The following GLCE variants were observed in gnomAD, a reference collection of about 807,000 sequenced individuals.
The protein encoded by GLCE is glucuronic acid epimerase.
Under a neutral mutation model 47.9 loss-of-function variants are expected in GLCE, and 19 were observed. The ratio of observed to expected loss-of-function variants is 0.40; its 90% CI spans 0.28 to 0.58. The LOEUF is 0.58. Among genes scored for constraint, GLCE ranks in the 20% least tolerant of loss-of-function variants. The pLI is 0.48. For synonymous variants in GLCE, 245 were observed against 263.4 expected (o/e 0.93, Z 0.68); for missense variants, 556 against 743.3 (o/e 0.75, Z 2.93).
At chr15:69,249,520 T>G (rs1266040852) in intron 2 of GLCE, among the ~76,000 whole-genome samples, 1 of 152,204 alleles carries the variant, frequency 6.6e-6, no homozygotes, top group African/African-American at 2.4e-5. Context: ...AATAAATTAT[T>G]TTTTAATTAA....
chr15:69,215,369 A>G (rs1056201207), intron 2 of GLCE, among the ~76,000 whole-genome samples: 3 of 152,124 alleles, frequency 2.0e-5, no homozygotes. Flanking sequence ...AGCAAAATAC[A>G]TTTTAAGTTT....
intron 1 of GLCE, among the ~76,000 whole-genome samples, chr15:69,177,060 C>T (rs1235724562): frequency 6.6e-6 from 1 of 150,660 alleles, no homozygotes; most frequent in African/African-American, 2.4e-5. Context: ...CTCTTTGTCA[C>T]CTAGGCTGGA....
At chr15:69,222,486 G>C (rs917798118) in intron 2 of GLCE, among the ~76,000 whole-genome samples, 1 of 152,208 alleles carries the variant, frequency 6.6e-6, no homozygotes, top group Non-Finnish European at 1.5e-5. Flanking sequence ...AGAAAGCCCT[G>C]TTCTCTCCAG....
In GLCE at chr15:69,261,320, A is replaced by T; in HGVS notation, c.820A>T (p.Ile274Phe). Residue 274 changes from isoleucine (I) to phenylalanine (F), a missense_variant, in exon 4 of 5, where the codon ATT becomes TTT. By Grantham distance (21) the Ile-to-Phe change is conservative. Transcript: ENST00000261858. ...KSRFTNVKQF[I>F]APETSEGVSL... The stretch of plus-strand genomic sequence containing the variant: ...TAGATTCACCAATGTCAAACAGTTT[A>T]TTGCACCAGGTAAGTTATGTATTAT... 1 of 1,613,710 alleles carries T rather than the reference A, an allele frequency of 6.2e-7. No homozygotes were observed.
chr15:69,242,565 C>T (rs1304672968), intron 2 of GLCE, among the ~76,000 whole-genome samples: 3 of 152,002 alleles, frequency 2.0e-5, no homozygotes, highest in Non-Finnish European at 4.4e-5. Flanking sequence ...TCATTAACTG[C>T]TGTAGGAATT....
intron 1 of GLCE, chr15:69,194,545 A>C (rs1043348425): frequency 3.3e-5 from 5 of 152,114 alleles, no homozygotes; most frequent in Non-Finnish European, 5.9e-5. Flanking sequence ...ATTCATTCTT[A>C]TTATTTTTAG....
intron 2 of GLCE, among the ~76,000 whole-genome samples, chr15:69,247,586 G>T (rs941752817): frequency 6.6e-6 from 1 of 152,170 alleles, no homozygotes; most frequent in African/African-American, 2.4e-5. Context: ...GGCACAAGAG[G>T]TCTAGCTTTT....
At chr15:69,264,362 A>G (rs931367643) in intron 4 of GLCE, among the ~76,000 whole-genome samples, 2 of 151,894 alleles carry the variant, frequency 1.3e-5, no homozygotes, top group Non-Finnish European at 2.9e-5. Flanking sequence ...TTCTATAGGT[A>G]TGTGTGTGTG....
At chr15:69,226,112 T>C (rs2140396759) in intron 2 of GLCE, among the ~76,000 whole-genome samples, 1 of 152,158 alleles carries the variant, frequency 6.6e-6, no homozygotes, top group African/African-American at 2.4e-5. Context: ...TGTTATTAGA[T>C]ACAGTTATTA....
At chr15:69,183,881 A>G (rs542577662) in intron 1 of GLCE, among the ~76,000 whole-genome samples, 1 of 152,342 alleles carries the variant, frequency 6.6e-6, no homozygotes, top group South Asian at 2.1e-4. Flanking sequence ...CACTTGAGAA[A>G]GCTTCAGGGG....
chr15:69,216,793 A>G (rs896079569), intron 2 of GLCE, among the ~76,000 whole-genome samples: 6 of 152,144 alleles, frequency 3.9e-5, no homozygotes, highest in African/African-American at 1.4e-4. Context: ...GCCTTAAAGG[A>G]TAGCATTCCT....
chr15:69,263,424 G>T (rs1473844539), intron 4 of GLCE, among the ~76,000 whole-genome samples: 1 of 151,780 alleles, frequency 6.6e-6, no homozygotes, highest in Non-Finnish European at 1.5e-5. Flanking sequence ...GAATGCTGTT[G>T]GTCTTTTTTT....
intron 3 of GLCE, among the ~76,000 whole-genome samples, chr15:69,259,169 G>A (rs1298064098): frequency 6.6e-6 from 1 of 152,012 alleles, no homozygotes; most frequent in Non-Finnish European, 1.5e-5. Context: ...TATGCTTTTT[G>A]CCGTATTTTC....
intron 2 of GLCE, among the ~76,000 whole-genome samples, chr15:69,251,661 A>G (rs1276365674): frequency 6.6e-6 from 1 of 152,118 alleles, no homozygotes; most frequent in African/African-American, 2.4e-5. Flanking sequence ...CTCAGTTGCC[A>G]ATTTTTGTCA....
chr15:69,259,643 T>C (rs2052984324), intron 3 of GLCE, among the ~76,000 whole-genome samples: 1 of 152,254 alleles, frequency 6.6e-6, no homozygotes, highest in South Asian at 2.1e-4. Flanking sequence ...TTAGGAGTAC[T>C]AGAATGTGTT....
In GLCE at chr15:69,268,512, A is replaced by C; in HGVS notation, c.1122A>C (p.Lys374Asn). ...ACACAAAAGCTGTCAAGCCAACCAA[A>C]ATAATGCCCAAGAAGGTGGTTAGGT... is the stretch of plus-strand genomic sequence containing the variant. The part of the protein sequence containing the change: ...LSNTKAVKPT[K>N]IMPKKVVRLI... The change falls in exon 5 of 5, where the codon AAA (lysine) becomes AAC (asparagine). Residue 374 changes from lysine to asparagine, a missense_variant. Transcript: ENST00000261858. 9 of 1,614,198 alleles carry C rather than the reference A, an allele frequency of 5.6e-6. No homozygotes were observed. Among genetic ancestry groups the C allele is most frequent in the Non-Finnish European group, 7.6e-6 (9 of 1,180,040 alleles).
intron 2 of GLCE, among the ~76,000 whole-genome samples, chr15:69,253,768 G>A (rs560244050): frequency 3.9e-5 from 6 of 152,186 alleles, no homozygotes; most frequent in African/African-American, 1.4e-4. Flanking sequence ...AGAATTCCTA[G>A]GATAAACAAA....
At chr15:69,170,537 T>A (rs2051574029) in intron 1 of GLCE, among the ~76,000 whole-genome samples, 1 of 152,158 alleles carries the variant, frequency 6.6e-6, no homozygotes, top group Non-Finnish European at 1.5e-5. Context: ...TATGTATATG[T>A]TTGTAAGTGT....
At chr15:69,261,704 A>G (rs1460309023) in intron 4 of GLCE, among the ~76,000 whole-genome samples, 2 of 152,214 alleles carry the variant, frequency 1.3e-5, no homozygotes, top group Non-Finnish European at 2.9e-5. Flanking sequence ...TTAAGGAGAC[A>G]GCCATCTTTT....
Sources: allele counts gnomAD v4.1 joint callset (sites outside exome capture counted in the v4.1 genomes callset), GRCh38; gene constraint gnomAD v4.1.1; transcripts MANE v1.5; gene names NCBI Gene and HGNC (gene_info 2026-07-23, HGNC 2026-07-21).